Variants in EPS8L1 observed in about 807,000 individuals in gnomAD.
EPS8L1 encodes the protein EPS8 signaling adaptor L1.
EPS8L1 carries 101 observed loss-of-function variants against 91.7 expected under a neutral mutation model. That is an observed-to-expected ratio of 1.10 (90% CI 0.94 to 1.30). The LOEUF (loss-of-function observed/expected upper bound fraction) is 1.30, where lower values mean the gene tolerates loss of function less well. EPS8L1 is among the 50% of genes most tolerant of loss of function. The pLI, the probability that EPS8L1 is intolerant of heterozygous loss-of-function variation, is 0.00. For missense variants in EPS8L1, 1,114 were observed against 1,017.0 expected (o/e 1.10, Z -1.30); for synonymous variants, 506 against 445.3 (o/e 1.14, Z -1.72).
chr19:55,082,396 C>A, intron 11 of EPS8L1, 47 bp downstream of exon 11: 12 of 1,612,194 alleles, frequency 7.4e-6, no homozygotes, highest in Non-Finnish European at 1.0e-5. Flanking sequence ...CGGGAGGAAT[C>A]GGGTTCGACT....
chr19:55,087,467 T>G, intron 19 of EPS8L1, 32 bp downstream of exon 19: 1 of 1,613,758 alleles, frequency 6.2e-7, no homozygotes, highest in Non-Finnish European at 8.5e-7. Flanking sequence ...TGGGTCTGGG[T>G]AGGGTTGGGA....
At position 55,082,194 on chromosome 19, in the gene EPS8L1, C is replaced by G. The variant is rs533905863; in HGVS notation, c.990+14C>G. The G allele has an allele frequency of 1.3e-6, 2 of 1,589,512 alleles. No homozygotes were observed. The highest frequency in any genetic ancestry group is 1.8e-5 in the Admixed American group (1 of 56,388). ...TTCAGCCTGCTGGTGAGGACGCGCC[C>G]GCCCCTGGGCCGGGGCGCGGGCACG... On this transcript the variant is annotated intron_variant, in intron 10 of 19. Coordinates refer to ENST00000201647, the MANE Select transcript of EPS8L1 (RefSeq NM_133180.3).
Position 55,081,660 on chromosome 19 carries a change from T to C in EPS8L1, c.775-113T>C, listed in dbSNP as rs959111888. The C allele has an allele frequency of 8.8e-6, 13 of 1,469,658 alleles. No homozygotes were observed. Among genetic ancestry groups the C allele is most frequent in the African/African-American group, 8.5e-5 (6 of 70,314 alleles). The allele number at this position is 1,469,658 out of a possible 1,614,324, so 91.0% of individuals were successfully genotyped here. A position where few individuals can be genotyped will look rare whatever the true frequency, so the allele number is the denominator to read the frequency against. On this transcript the variant is annotated intron_variant, in intron 8 of 19. Transcript: ENST00000201647. This position sits in a 1 kb window ranked among gnomAD's most constrained non-coding sequence, Gnocchi z 4.9. ...GGCTTGGTTGTGGGGCGTGGCCAGGTGTTTGGGGCGTGGCCTGATCTGGGG... is the reference window on the plus strand; with the variant it reads ...GGCTTGGTTGTGGGGCGTGGCCAGGCGTTTGGGGCGTGGCCTGATCTGGGG...
chr19:55,080,481 G>C, intron 6 of EPS8L1: 1 of 1,613,742 alleles, frequency 6.2e-7, no homozygotes, highest in Non-Finnish European at 8.5e-7. Flanking sequence ...GAACATGAAG[G>C]TGGGATGAGG....
In EPS8L1 at chr19:55,083,691, G is replaced by C; in HGVS notation, c.1385+47G>C. 2 of 1,573,864 alleles carry C rather than the reference G, an allele frequency of 1.3e-6. No homozygotes were observed. Among genetic ancestry groups the C allele is most frequent in the South Asian group, 2.3e-5 (2 of 86,274 alleles). Reference sequence around the variant, plus strand: ...GGGCAAGGGGGTCAAGGAGGGGTGCGTCCCGGGGGCTCCCGATGCTGACTC... The same window carrying C: ...GGGCAAGGGGGTCAAGGAGGGGTGCCTCCCGGGGGCTCCCGATGCTGACTC... On this transcript the variant is annotated intron_variant, in intron 14 of 19. Transcript: ENST00000201647. This position sits in a 1 kb window ranked among gnomAD's most constrained non-coding sequence, Gnocchi z 4.7.
At position 55,080,328 on chromosome 19, in the gene EPS8L1, T is replaced by G. The variant is rs8099843; in HGVS notation, c.429+50T>G. The G allele has an allele frequency of 1.2e-3, 1,767 of 1,533,762 alleles. 12 individuals are homozygous for G. In the African/African-American group the frequency reaches 0.02, roughly 18 times the overall value. ...GGTGGAGCTGGAACTGGGCGGAGCC[T>G]GGAGCCGGGGCGGAAATGGGTGGGG... On this transcript the variant is annotated intron_variant, in intron 6 of 19. Transcript: ENST00000201647.
chr19:55,080,158 C>G lies in EPS8L1; in HGVS notation c.309C>G (p.Ala103=). The G allele has an allele frequency of 6.6e-7, 1 of 1,521,778 alleles. No homozygotes were observed. Among genetic ancestry groups the G allele is most frequent in the African/African-American group, 1.4e-5 (1 of 72,420 alleles). The allele number at this position is 1,521,778 out of a possible 1,614,324, so 94.3% of individuals were successfully genotyped here. A position where few individuals can be genotyped will look rare whatever the true frequency, so the allele number is the denominator to read the frequency against. ...AGCTGGAGTCGTACCCACTGGGCGC[C>G]ATCGTGCGCTGTGACGCGGTGATGC... The part of the protein sequence containing the change: ...KEELESYPLG[A]IVRCDAVMPP... The change falls in exon 6 of 20, where the codon GCC becomes GCG. Residue 103 remains alanine (A), a synonymous_variant. Transcript: ENST00000201647.
At chr19:55,077,165 G>A (rs1602903337) in intron 2 of EPS8L1, among the ~76,000 whole-genome samples, 1 of 152,306 alleles carries the variant, frequency 6.6e-6, no homozygotes, top group Middle Eastern at 3.4e-3. Flanking sequence ...GGTAATCTTA[G>A]GAAGAAATTG....
At chr19:55,080,702 G>A (rs4806641) in intron 6 of EPS8L1, 70 bp from the exon 7 acceptor site, 126,610 of 1,579,016 alleles carry the variant, frequency 0.08, 5,806 homozygotes, top group Non-Finnish European at 0.094. Context: ...TGAAAAATCG[G>A]CCAGGGGCGA....
At chr19:55,076,347 G>A in intron 1 of EPS8L1, 61 bp from the exon 2 acceptor site, 1 of 1,483,616 alleles carries the variant, frequency 6.7e-7, no homozygotes, top group Non-Finnish European at 9.3e-7. Context: ...TGAGGGAGGA[G>A]GCTGGGGTAG....
Position 55,087,313 on chromosome 19 carries a change from G to A in EPS8L1, c.1963G>A (p.Ala655Thr). 1.2e-6 allele frequency: 2 copies of A among 1,607,282 alleles called. No homozygotes were observed. Among genetic ancestry groups the A allele is most frequent in the African/African-American group, 1.3e-5 (1 of 74,902 alleles). The change falls in exon 19 of 20, where the codon GCG (alanine) becomes ACG (threonine). Residue 655 changes from alanine (A) to threonine (T), a missense_variant. Physicochemically the swap from Ala to Thr is moderately conservative, Grantham distance 58 (BLOSUM62 0). Coordinates refer to ENST00000201647, the MANE Select transcript of EPS8L1 (RefSeq NM_133180.3). ...GCTGCCCTCGCTCAGGACCGTGGAC[G>A]CGCTGGGTGTGCTGACCGGGGCGCA... ...AKGFSSGTVDALGVLTGAQLF... is the reference protein window; with the variant it reads ...AKGFSSGTVDTLGVLTGAQLF...
At position 55,081,486 on chromosome 19, in the gene EPS8L1, G is replaced by A. The variant is rs550537945; in HGVS notation, c.768G>A (p.Arg256=). The A allele has an allele frequency of 3.0e-5, 47 of 1,584,092 alleles. No individual in the cohort carries two copies. The highest frequency in any genetic ancestry group is 1.1e-4 in the Admixed American group (6 of 56,824). Residue 256 remains arginine (R), a synonymous_variant, in exon 8 of 20, where the codon CGG becomes CGA. Transcript: ENST00000201647. The surrounding 1 kb of genome is among the most constrained non-coding windows in gnomAD (Gnocchi z 4.9). ...ACCTGGCGGTTCTGCAGGCGGAGCG[G>A]GAAGTGGTGAGCCGCTAAGGAAGGG... ...GPDLAVLQAE[R]EVDILNHVFD...
chr19:55,081,658 G>A lies in EPS8L1; in HGVS notation c.775-115G>A, dbSNP rs928840059. The A allele has an allele frequency of 2.8e-5, 42 of 1,481,086 alleles. No individual in the cohort carries two copies. The highest frequency in any genetic ancestry group is 3.4e-5 in the Non-Finnish European group (38 of 1,110,194). 91.7% of individuals were successfully genotyped at this position (1,481,086 alleles called of 1,614,324 possible). ...GGGGCTTGGTTGTGGGGCGTGGCCA[G>A]GTGTTTGGGGCGTGGCCTGATCTGG... On this transcript the variant is annotated intron_variant, in intron 8 of 19. Coordinates refer to ENST00000201647, the MANE Select transcript of EPS8L1 (RefSeq NM_133180.3). This position sits in a 1 kb window ranked among gnomAD's most constrained non-coding sequence, Gnocchi z 4.9.
Position 55,086,078 on chromosome 19 carries a change from T to C in EPS8L1, c.1536T>C (p.Arg512=), listed in dbSNP as rs2076349144. ...RDVLEVLDDS[R]KWWKVRDPAG... ...ACACCCAGGTCCTGGATGACAGTCG[T>C]AAGTGGTGGAAGGTTCGGGACCCAG... Residue 512 remains arginine, a synonymous_variant, in exon 16 of 20, where the codon CGT becomes CGC. Coordinates refer to ENST00000201647, the MANE Select transcript of EPS8L1 (RefSeq NM_133180.3). 4 of 1,597,788 alleles carry C rather than the reference T, an allele frequency of 2.5e-6. No homozygotes were observed. Among genetic ancestry groups the C allele is most frequent in the Non-Finnish European group, 2.6e-6 (3 of 1,169,696 alleles).
Position 55,083,529 on chromosome 19 carries a change from G to A in EPS8L1, c.1356+10G>A. 6.2e-7 allele frequency: 1 copy of A among 1,608,082 alleles called. No homozygotes were observed. Among genetic ancestry groups the A allele is most frequent in the Non-Finnish European group, 8.5e-7 (1 of 1,177,618 alleles). ...GCGGAGGCGCCGGCAGGTGACCCAA[G>A]CGACACAGCAGGGCCGAGGCTGGGA... is the stretch of plus-strand genomic sequence containing the variant. On this transcript the variant is annotated intron_variant, in intron 13 of 19. Coordinates refer to ENST00000201647, the MANE Select transcript of EPS8L1 (RefSeq NM_133180.3). The surrounding 1 kb of genome is among the most constrained non-coding windows in gnomAD (Gnocchi z 4.7).
rs2076255246 is a variant in EPS8L1 at position 55,081,353 on chromosome 19, C to A, written c.635C>A (p.Pro212His). Residue 212 changes from proline to histidine, a missense_variant, in exon 8 of 20, where the codon CCC becomes CAC. By Grantham distance (77) the Pro-to-His change is moderately conservative (BLOSUM62 -2). Transcript: ENST00000201647. This position sits in a 1 kb window ranked among gnomAD's most constrained non-coding sequence, Gnocchi z 4.9. ...GAGCGGGGCGCGGGCCGCGGACGAC[C>A]CCAGGCGAAGCCCATTCCCGAGGCA... is the stretch of plus-strand genomic sequence containing the variant. ...TVERGAGRGRPQAKPIPEAEE... is the reference protein window; with the variant it reads ...TVERGAGRGRHQAKPIPEAEE... 6.4e-7 allele frequency: 1 copy of A among 1,564,972 alleles called. No individual in the cohort carries two copies. Among genetic ancestry groups the A allele is most frequent in the South Asian group, 1.2e-5 (1 of 86,190 alleles).
intron 4 of EPS8L1, 116 bp from the exon 5 acceptor site, chr19:55,079,574 A>C (rs2076208691): frequency 7.9e-7 from 1 of 1,263,382 alleles, no homozygotes; most frequent in Non-Finnish European, 1.1e-6. Context: ...TGATCAAGGA[A>C]GGCTTCCTGG....
At position 55,081,394 on chromosome 19, in the gene EPS8L1, C is replaced by A; in HGVS notation, c.676C>A (p.Pro226Thr). The A allele has an allele frequency of 6.3e-7, 1 of 1,586,714 alleles. No homozygotes were observed. The highest frequency in any genetic ancestry group is 8.6e-7 in the Non-Finnish European group (1 of 1,168,916). Residue 226 changes from proline to threonine, a missense_variant, in exon 8 of 20, where the codon CCT becomes ACT. Physicochemically the swap from Pro to Thr is conservative, Grantham distance 38. Transcript: ENST00000201647. The surrounding 1 kb of genome is among the most constrained non-coding windows in gnomAD (Gnocchi z 4.9). The part of the protein sequence containing the change: ...PIPEAEEAQR[P>T]EPVGTSSNAD... ...TCCCGAGGCAGAGGAGGCGCAGAGGCCTGAGCCGGTGGGGACCTCGAGCAA... is the reference window on the plus strand; with the variant it reads ...TCCCGAGGCAGAGGAGGCGCAGAGGACTGAGCCGGTGGGGACCTCGAGCAA...
chr19:55,087,839 CGCTAGCA>C lies in EPS8L1; in HGVS notation c.*227_*233del. The C allele has an allele frequency of 1.9e-6, 1 of 529,844 alleles. No individual in the cohort carries two copies. Among genetic ancestry groups the C allele is most frequent in the Non-Finnish European group, 3.4e-6 (1 of 292,078 alleles). The allele number at this position is 529,844 out of a possible 1,614,324, so 32.8% of individuals were successfully genotyped here. Reference sequence around the variant, plus strand: ...GGGCGTGGAGACAGTCTACGGAAAGCGCTAGCAGACCCCCGAGAGGGTGCAGTGGAGC... The same window carrying C: ...GGGCGTGGAGACAGTCTACGGAAAGCGACCCCCGAGAGGGTGCAGTGGAGC... On this transcript the variant is annotated 3_prime_UTR_variant, in exon 20 of 20. Transcript: ENST00000201647.
Sources: allele counts gnomAD v4.1 joint callset (sites outside exome capture counted in the v4.1 genomes callset), GRCh38; gene constraint gnomAD v4.1.1; non-coding constraint Gnocchi (gnomAD v3.1); transcripts MANE v1.5; gene names NCBI Gene and HGNC (gene_info 2026-07-23, HGNC 2026-07-21).